GRIP1: variants seen among roughly 807,000 people sequenced by gnomAD.
The protein encoded by GRIP1 is glutamate receptor-interacting protein 1.
In GRIP1, 45 loss-of-function variants were observed where a neutral mutation model predicts 129.9. That is an observed-to-expected ratio of 0.35 (90% CI 0.27 to 0.44). The LOEUF is 0.44. GRIP1 is among the 20% of genes least tolerant of loss of function. The probability of loss-of-function intolerance (pLI) is 1.00; values close to 1 mark genes in which losing one functional copy is unlikely to be tolerated. For missense variants in GRIP1, 1,196 were observed against 1,396.8 expected, an observed-to-expected ratio of 0.86 and a Z score of 2.29; for synonymous variants, 530 against 520.8, an observed-to-expected ratio of 1.02 and a Z score of -0.24.
chr12:66,729,928 T>C (rs1235777239), intron 1 of GRIP1, among the ~76,000 whole-genome samples: 1 of 152,146 alleles, frequency 6.6e-6, no homozygotes, highest in Non-Finnish European at 1.5e-5. Context: ...AATCACTGCT[T>C]TACTATAGCA....
At chr12:67,022,211 G>A (rs947517753) in intron 1 of GRIP1, among the ~76,000 whole-genome samples, 18 of 152,050 alleles carry the variant, frequency 1.2e-4, no homozygotes, top group African/African-American at 4.3e-4. Context: ...CCAATGGTGG[G>A]GGTTGCTGGA....
intron 7 of GRIP1, among the ~76,000 whole-genome samples, chr12:66,466,949 G>A (rs1330291730): frequency 6.6e-6 from 1 of 152,150 alleles, no homozygotes; most frequent in Non-Finnish European, 1.5e-5. Context: ...GACTCATGAA[G>A]CTGAAAGGTC....
At chr12:66,939,743 A>G (rs763602492) in intron 1 of GRIP1, among the ~76,000 whole-genome samples, 1 of 152,216 alleles carries the variant, frequency 6.6e-6, no homozygotes, top group Non-Finnish European at 1.5e-5. Flanking sequence ...TCTAGGTATC[A>G]AGGGAAATAT....
At chr12:66,557,515 A>G (rs569552169) in intron 2 of GRIP1, among the ~76,000 whole-genome samples, 1 of 152,336 alleles carries the variant, frequency 6.6e-6, no homozygotes, top group African/African-American at 2.4e-5. Flanking sequence ...GTTGCAGCAT[A>G]CACATTCTCC....
intron 1 of GRIP1, among the ~76,000 whole-genome samples, chr12:66,649,636 C>G (rs1279589367): frequency 1.3e-5 from 2 of 152,124 alleles, no homozygotes; most frequent in African/African-American, 2.4e-5. Flanking sequence ...TCGAGCATCC[C>G]CAAGAGTGGC....
chr12:67,038,881 A>G (rs1472676459), intron 1 of GRIP1, among the ~76,000 whole-genome samples: 1 of 152,212 alleles, frequency 6.6e-6, no homozygotes, highest in African/African-American at 2.4e-5. Context: ...TTAGCGCAGC[A>G]TGACTCTGTA....
rs1049563945 is a variant in GRIP1 at position 66,596,896 on chromosome 12, C to A, written c.87G>T (p.Gln29His). The change falls in exon 2 of 25, where the codon CAG becomes CAT. Residue 29 changes from glutamine to histidine, a missense_variant. Gln to His is a conservative substitution (Grantham distance 24). Transcript: ENST00000359742. The part of the protein sequence containing the change: ...DESPYTKSAS[Q>H]TKPPDGALAV... ...CCAACGCTCCATCAGGCGGCTTTGT[C>A]TGGCTGGCGGATTTAGTGTAGGGAC... 6.2e-7 allele frequency: 1 copy of A among 1,613,550 alleles called. No individual in the cohort carries two copies.
intron 1 of GRIP1, among the ~76,000 whole-genome samples, chr12:66,652,956 T>C (rs1403343068): frequency 2.6e-5 from 4 of 152,328 alleles, no homozygotes; most frequent in African/African-American, 9.6e-5. Context: ...GTTGCTTTAC[T>C]TGAAAGACTC....
intron 1 of GRIP1, among the ~76,000 whole-genome samples, chr12:66,706,659 A>G (rs1298591031): frequency 6.6e-6 from 1 of 152,194 alleles, no homozygotes; most frequent in Non-Finnish European, 1.5e-5. Flanking sequence ...AATGTAGTAT[A>G]TATACACCAC....
chr12:66,552,637 T>C (rs1389124086), intron 2 of GRIP1, among the ~76,000 whole-genome samples: 1 of 152,062 alleles, frequency 6.6e-6, no homozygotes, highest in African/African-American at 2.4e-5. Flanking sequence ...TGTCAAACAA[T>C]GGACCAAAAG....
chr12:66,611,409 T>C (rs1019888338), intron 1 of GRIP1, among the ~76,000 whole-genome samples: 1 of 152,286 alleles, frequency 6.6e-6, no homozygotes, highest in Non-Finnish European at 1.5e-5. Flanking sequence ...TTAAATTTAG[T>C]GGAGAAAGAC....
At chr12:66,588,365 AC>A (rs551729619) in intron 2 of GRIP1, among the ~76,000 whole-genome samples, 2 of 151,396 alleles carry the variant, frequency 1.3e-5, no homozygotes, top group Non-Finnish European at 2.9e-5. Flanking sequence ...TTACTCATTA[AC>A]CCCCCTCTAA....
At chr12:67,013,110 G>T (rs2042733697) in intron 1 of GRIP1, among the ~76,000 whole-genome samples, 1 of 152,118 alleles carries the variant, frequency 6.6e-6, no homozygotes, top group African/African-American at 2.4e-5. Flanking sequence ...CATAATTTGG[G>T]TAACATTTGT....
intron 1 of GRIP1, among the ~76,000 whole-genome samples, chr12:66,659,699 G>A (rs2033382868): frequency 6.6e-6 from 1 of 152,154 alleles, no homozygotes; most frequent in Admixed American, 6.5e-5. Flanking sequence ...CTGACAGTAT[G>A]TTTTGTATGT....
At chr12:66,959,577 G>T (rs2041892742) in intron 1 of GRIP1, among the ~76,000 whole-genome samples, 1 of 152,030 alleles carries the variant, frequency 6.6e-6, no homozygotes, top group Non-Finnish European at 1.5e-5. Flanking sequence ...TTTCTTGCCA[G>T]AGTATTTTTT....
chr12:66,472,385 G>T (rs754678523), intron 7 of GRIP1, among the ~76,000 whole-genome samples: 32 of 152,224 alleles, frequency 2.1e-4, no homozygotes, highest in Non-Finnish European at 4.0e-4. Context: ...TTCCACTAAA[G>T]AAATATATTC....
intron 1 of GRIP1, among the ~76,000 whole-genome samples, chr12:66,794,107 C>T (rs2038627246): frequency 6.6e-6 from 1 of 152,168 alleles, no homozygotes; most frequent in South Asian, 2.1e-4. Context: ...ACATCTGTTG[C>T]AGGAGCTGTG....
chr12:67,011,941 AACAG>A (rs1252052401), intron 1 of GRIP1, among the ~76,000 whole-genome samples: 3 of 152,114 alleles, frequency 2.0e-5, no homozygotes, highest in Admixed American at 1.3e-4. Context: ...TATTTACAAA[AACAG>A]ACAGTGAGCT....
chr12:66,827,387 TGAGAGA>T (rs112366252), intron 1 of GRIP1, among the ~76,000 whole-genome samples: 34 of 108,282 alleles, frequency 3.1e-4, no homozygotes, highest in African/African-American at 6.1e-4. Flanking sequence ...TGTGTGTGTG[TGAGAGA>T]GAGAGAGAGA....
Sources: gnomAD v4.1 joint callset for allele counts (sites outside exome capture counted in the v4.1 genomes callset) on GRCh38, gnomAD v4.1.1 for gene constraint, MANE v1.5 for transcripts, NCBI Gene and HGNC (gene_info 2026-07-23, HGNC 2026-07-21) for gene names.